Variants in ETFBKMT observed in about 807,000 individuals in gnomAD.
ETFBKMT encodes the protein electron transfer flavoprotein beta subunit lysine methyltransferase.
A neutral mutation model predicts 18.3 loss-of-function variants in ETFBKMT; 13 were observed. That is an observed-to-expected ratio of 0.71 (90% confidence interval 0.46 to 1.13). ETFBKMT has a LOEUF of 1.13. Ranked by LOEUF, ETFBKMT falls within the 50% of genes most tolerant of loss-of-function variation. The probability of loss-of-function intolerance (pLI) is 0.00; values close to 1 mark genes in which losing one functional copy is unlikely to be tolerated. For missense variants in ETFBKMT, 293 were observed against 306.2 expected, an observed-to-expected ratio of 0.96 and a Z score of 0.32; for synonymous variants, 84 against 107.9, an observed-to-expected ratio of 0.78 and a Z score of 1.37.
intron 3 of ETFBKMT, 72 bp from the exon 4 acceptor site, chr12:31,667,575 A>C (rs1426195258): frequency 8.8e-7 from 1 of 1,134,668 alleles, no homozygotes; most frequent in Non-Finnish European, 1.3e-6. Context: ...GATCTTCTAA[A>C]TTATTTAATC....
chr12:31,647,982 G>A (rs1391158486), intron 1 of ETFBKMT, among the ~76,000 whole-genome samples: 2 of 152,188 alleles, frequency 1.3e-5, no homozygotes, highest in Non-Finnish European at 2.9e-5. Context: ...TTTGAGCATA[G>A]AGTTACTATA....
chr12:31,661,815 A>G, intron 1 of ETFBKMT, 26 bp from the exon 2 acceptor site: 1 of 762,286 alleles, frequency 1.3e-6, no homozygotes, highest in Non-Finnish European at 2.2e-6. Flanking sequence ...CAGAATTCTC[A>G]GTATTACTTT....
chr12:31,652,775 G>C (rs1352656066), intron 1 of ETFBKMT, among the ~76,000 whole-genome samples: 1 of 152,204 alleles, frequency 6.6e-6, no homozygotes, highest in South Asian at 2.1e-4. Context: ...TTGCTAGTGG[G>C]TTAGTTGTGG....
At position 31,661,932 on chromosome 12, in the gene ETFBKMT, C is replaced by A; in HGVS notation, c.-22C>A. 1 of 1,607,122 alleles carries A rather than the reference C, an allele frequency of 6.2e-7. No individual in the cohort carries two copies. The highest frequency in any genetic ancestry group is 8.5e-7 in the Non-Finnish European group (1 of 1,175,634). On this transcript the variant is annotated 5_prime_UTR_variant, in exon 2 of 4. Transcript: ENST00000357721. ...TATTATCAACAGAACATTGACAGAACCTGTGTTTGGGGAAAGGACTGATGG... is the reference window on the plus strand; with the variant it reads ...TATTATCAACAGAACATTGACAGAAACTGTGTTTGGGGAAAGGACTGATGG...
intron 2 of ETFBKMT, 21 bp from the exon 3 acceptor site, chr12:31,666,066 T>C: frequency 6.2e-7 from 1 of 1,605,370 alleles, no homozygotes; most frequent in Non-Finnish European, 8.5e-7. Flanking sequence ...CTCTGAGACA[T>C]GTTTCTCCTT....
chr12:31,654,488 T>C (rs1951043833), upstream of ETFBKMT, among the ~76,000 whole-genome samples: 4 of 152,222 alleles, frequency 2.6e-5, no homozygotes, highest in African/African-American at 9.6e-5. Context: ...TCAAAACAGC[T>C]TTATTTGTAA....
At position 31,668,494 on chromosome 12, in the gene ETFBKMT, CT is replaced by C. The variant is rs5797428; in HGVS notation, c.*518del. On this transcript the variant is annotated 3_prime_UTR_variant, in exon 4 of 4. Coordinates refer to ENST00000357721, the MANE Select transcript of ETFBKMT (RefSeq NM_001135863.2). ...GGGCACTGCAGCCTTGAACTCTGGG[CT>C]TTTTTTTTTTTTTGAGATGGAGTCT... 0.049 allele frequency: 7,006 copies of C among 142,088 alleles called. 312 individuals carry two copies. The highest frequency in any genetic ancestry group is 0.18 in the East Asian group (870 of 4,964). 8.8% of individuals were successfully genotyped at this position (142,088 alleles called of 1,614,324 possible).
At chr12:31,648,703 AGG>A (rs1374071489) in intron 1 of ETFBKMT, among the ~76,000 whole-genome samples, 2 of 151,916 alleles carry the variant, frequency 1.3e-5, no homozygotes, top group Admixed American at 1.3e-4. Context: ...CTGGGGCTAC[AGG>A]GGCCCACCAC....
rs1951218758 is a variant in ETFBKMT, at chr12:31,667,851, G to A, written c.650G>A (p.Gly217Asp). Residue 217 changes from glycine to aspartate, a missense_variant, in exon 4 of 4, where the codon GGT (glycine) becomes GAT (aspartate). Transcript: ENST00000357721. ...FWTYRTRVLI[G>D]DPGRPQFSGH... ...ACCTATAGAACTCGAGTACTGATTG[G>A]TGACCCTGGGCGGCCCCAGTTCAGT... is the stretch of plus-strand genomic sequence containing the variant. The A allele has an allele frequency of 6.2e-7, 1 of 1,614,176 alleles. No homozygotes were observed. The highest frequency in any genetic ancestry group is 8.5e-7 in the Non-Finnish European group (1 of 1,180,034).
At chr12:31,651,585 G>T (rs1321220104) in intron 1 of ETFBKMT, among the ~76,000 whole-genome samples, 1 of 152,034 alleles carries the variant, frequency 6.6e-6, no homozygotes, top group Non-Finnish European at 1.5e-5. Context: ...AGCCGCCTCC[G>T]CCTCCCAAAG....
rs1951235064 is a variant in ETFBKMT at position 31,669,232 on chromosome 12, T to A, written c.*1242T>A. The A allele has an allele frequency of 6.6e-6, 1 of 152,230 alleles. No individual in the cohort carries two copies. The highest frequency in any genetic ancestry group is 2.4e-5 in the African/African-American group (1 of 41,458). 9.4% of individuals were successfully genotyped at this position (152,230 alleles called of 1,614,324 possible). ...TTCCTTCTTATATAGAGTCTGAAGC[T>A]TGCAGTTTTTTTCACCTGTAATTCC... On this transcript the variant is annotated 3_prime_UTR_variant, in exon 4 of 4. Transcript: ENST00000357721.
Position 31,667,809 on chromosome 12 carries a change from T to G in ETFBKMT, c.608T>G (p.Leu203Arg), listed in dbSNP as rs575191407. 4 of 1,614,234 alleles carry G rather than the reference T, an allele frequency of 2.5e-6. No homozygotes were observed. The African/African-American group carries it at 5.3e-5, about 22-fold the overall frequency. ...EDLADSLHQW[L>R]KKCFWTYRTR... Reference sequence around the variant, plus strand: ...CTTGCAGATAGTCTTCATCAGTGGCTGAAGAAGTGCTTCTGGACCTATAGA... The same window carrying G: ...CTTGCAGATAGTCTTCATCAGTGGCGGAAGAAGTGCTTCTGGACCTATAGA... Residue 203 changes from leucine to arginine, a missense_variant, in exon 4 of 4, where the codon CTG (leucine) becomes CGG (arginine). Coordinates refer to ENST00000357721, the MANE Select transcript of ETFBKMT (RefSeq NM_001135863.2).
chr12:31,664,118 C>A (rs188468738), intron 2 of ETFBKMT, among the ~76,000 whole-genome samples: 1 of 151,640 alleles, frequency 6.6e-6, no homozygotes, highest in Non-Finnish European at 1.5e-5. Flanking sequence ...CCCTGACTTC[C>A]TCTGCCATTC....
intron 2 of ETFBKMT, among the ~76,000 whole-genome samples, chr12:31,662,500 TC>T: frequency 6.8e-6 from 1 of 146,894 alleles, no homozygotes; most frequent in Admixed American, 6.9e-5. Flanking sequence ...CTTTTTTCTT[TC>T]TTTCTTTTTT....
At chr12:31,647,489 TCTAAAACAGAGGTCATAATAGTATAC>T (rs1950978344) in intron 1 of ETFBKMT, among the ~76,000 whole-genome samples, 1 of 152,118 alleles carries the variant, frequency 6.6e-6, no homozygotes, top group African/African-American at 2.4e-5. Flanking sequence ...CTTCTTTACC[TCTAAAACAGAGGTCATAATAGTATAC>T]CTACATCCTA....
At chr12:31,648,572 T>TTC (rs1277537321) in intron 1 of ETFBKMT, among the ~76,000 whole-genome samples, 2 of 128,680 alleles carry the variant, frequency 1.6e-5, no homozygotes, top group African/African-American at 5.3e-5. Flanking sequence ...TTTTTTTTTT[T>TTC]TTTTTTTTTG....
rs529776002 is a variant in ETFBKMT, at chr12:31,665,085, C to T, written c.315-1002C>T. On this transcript the variant is annotated intron_variant, in intron 2 of 3. Transcript: ENST00000357721. ...CCGAGTAGCTGGGATTGCAGGTGCCCGCCACCACACCTGGCTAATTTTTGT... is the reference window on the plus strand; with the variant it reads ...CCGAGTAGCTGGGATTGCAGGTGCCTGCCACCACACCTGGCTAATTTTTGT... Among the ~76,000 whole-genome samples the T allele has an allele frequency of 9.4e-5, 14 of 149,254 alleles. No homozygotes were observed. In the South Asian group the frequency reaches 2.1e-3, roughly 23 times the overall value.
At position 31,669,401 on chromosome 12, in the gene ETFBKMT, CTT is replaced by C. The variant is rs1951236996; in HGVS notation, c.*1413_*1414del. 1 of 152,272 alleles carries C rather than the reference CTT, an allele frequency of 6.6e-6. No homozygotes were observed. Among genetic ancestry groups the C allele is most frequent in the African/African-American group, 2.4e-5 (1 of 41,460 alleles). 9.4% of individuals were successfully genotyped at this position (152,272 alleles called of 1,614,324 possible). On this transcript the variant is annotated 3_prime_UTR_variant, in exon 4 of 4. Transcript: ENST00000357721. ...AGTGCTTTCAGCTTTTCTTTTGTCACTTTGGTGAGACAGGAAGGCTAGAGGCA... is the reference window on the plus strand; with the variant it reads ...AGTGCTTTCAGCTTTTCTTTTGTCACTGGTGAGACAGGAAGGCTAGAGGCA...
intron 1 of ETFBKMT, among the ~76,000 whole-genome samples, chr12:31,661,552 T>C (rs1350348835): frequency 6.6e-6 from 1 of 152,104 alleles, no homozygotes; most frequent in Non-Finnish European, 1.5e-5. Flanking sequence ...CTCGGCACAC[T>C]GCAACCTCCG....
Sources: gnomAD v4.1 joint callset for allele counts (sites outside exome capture counted in the v4.1 genomes callset) on GRCh38, gnomAD v4.1.1 for gene constraint, MANE v1.5 for transcripts, NCBI Gene and HGNC (gene_info 2026-07-23, HGNC 2026-07-21) for gene names.